THSD7A: variants seen among roughly 807,000 people sequenced by gnomAD.
THSD7A encodes thrombospondin type-1 domain-containing protein 7A.
In THSD7A, 96 loss-of-function variants were observed where a neutral mutation model predicts 231.3. That is an observed-to-expected ratio of 0.41 (90% CI 0.35 to 0.49). The LOEUF (loss-of-function observed/expected upper bound fraction) is 0.49, where lower values mean the gene tolerates loss of function less well. Ranked by LOEUF, THSD7A falls within the 20% of genes least tolerant of loss-of-function variation. The pLI is 0.05. For missense variants in THSD7A, 2,290 were observed against 2,070.2 expected, an observed-to-expected ratio of 1.11 and a Z score of -2.06; for synonymous variants, 940 against 743.3, an observed-to-expected ratio of 1.26 and a Z score of -4.30.
chr7:11,582,075 G>A (rs1344313588), intron 4 of THSD7A, among the ~76,000 whole-genome samples: 1 of 151,810 alleles, frequency 6.6e-6, no homozygotes, highest in African/African-American at 2.4e-5. Context: ...ACATTTTAAA[G>A]CTCCAATTCT....
chr7:11,683,284 A>T (rs973555665), intron 1 of THSD7A, among the ~76,000 whole-genome samples: 1 of 151,998 alleles, frequency 6.6e-6, no homozygotes, highest in African/African-American at 2.4e-5. Flanking sequence ...AAACATAATT[A>T]ATCACAAATT....
rs1326537341 is a variant in THSD7A at position 11,748,256 on chromosome 7, T to C, written c.190+83501A>G. ...GATGGAGTTACTGACATGATTAAAT[T>C]TGAATAGTAACAAACAGGTTTCTCT... On this transcript the variant is annotated intron_variant, in intron 1 of 27. Coordinates refer to ENST00000423059, the MANE Select transcript of THSD7A (RefSeq NM_015204.3). Among the ~76,000 whole-genome samples, 4 of 151,840 alleles carry C rather than the reference T, an allele frequency of 2.6e-5. No individual in the cohort carries two copies. In the East Asian group the frequency reaches 5.8e-4, roughly 22 times the overall value.
chr7:11,816,998 C>T (rs1409404902), intron 1 of THSD7A, among the ~76,000 whole-genome samples: 2 of 152,028 alleles, frequency 1.3e-5, no homozygotes, highest in African/African-American at 4.8e-5. Context: ...TTTACAAGTG[C>T]TACACAAATT....
chr7:11,378,886 A>C (rs1438311184), intron 26 of THSD7A, 184 bp downstream of exon 26: 3 of 614,040 alleles, frequency 4.9e-6, no homozygotes, highest in East Asian at 2.8e-5. Context: ...TCTGAACTTC[A>C]AACATGAGTT....
intron 13 of THSD7A, among the ~76,000 whole-genome samples, chr7:11,431,966 T>C (rs1480240769): frequency 1.3e-5 from 2 of 152,172 alleles, no homozygotes; most frequent in African/African-American, 4.8e-5. Flanking sequence ...CATTAATTTC[T>C]TTAATTAAAG....
At chr7:11,701,904 T>C (rs1157640146) in intron 1 of THSD7A, among the ~76,000 whole-genome samples, 1 of 151,188 alleles carries the variant, frequency 6.6e-6, no homozygotes, top group Non-Finnish European at 1.5e-5. Flanking sequence ...TCCTCCCCTC[T>C]TTCCTAGGAC....
intron 1 of THSD7A, among the ~76,000 whole-genome samples, chr7:11,812,489 A>G (rs1406350295): frequency 6.6e-6 from 1 of 152,178 alleles, no homozygotes; most frequent in Admixed American, 6.5e-5. Flanking sequence ...TTACGTCACA[A>G]AAGTGAAGGA....
chr7:11,644,457 G>T (rs538025108), intron 1 of THSD7A, among the ~76,000 whole-genome samples: 3 of 151,910 alleles, frequency 2.0e-5, no homozygotes, highest in African/African-American at 7.2e-5. Flanking sequence ...AAAATAAGAG[G>T]AGAGTTGGTA....
intron 6 of THSD7A, among the ~76,000 whole-genome samples, chr7:11,517,009 C>T (rs528824376): frequency 4.0e-4 from 61 of 151,216 alleles, no homozygotes; most frequent in Admixed American, 3.0e-3. Flanking sequence ...ATATGTAATA[C>T]GCATTGCCAT....
chr7:11,424,410 A>G (rs1453534655), intron 16 of THSD7A, among the ~76,000 whole-genome samples: 1 of 152,194 alleles, frequency 6.6e-6, no homozygotes, highest in African/African-American at 2.4e-5. Context: ...TTGAAGCAAA[A>G]AAGTTATTGG....
At chr7:11,703,822 T>C (rs1780679588) in intron 1 of THSD7A, among the ~76,000 whole-genome samples, 1 of 151,194 alleles carries the variant, frequency 6.6e-6, no homozygotes, top group Non-Finnish European at 1.5e-5. Context: ...ATATAGCTTA[T>C]CATTTTTGAA....
chr7:11,748,831 A>G (rs914101982), intron 1 of THSD7A, among the ~76,000 whole-genome samples: 13 of 152,040 alleles, frequency 8.6e-5, no homozygotes, highest in African/African-American at 3.1e-4. Flanking sequence ...TATTTTAAAA[A>G]GTCTCTTTGG....
At chr7:11,667,600 G>C (rs2128376355) in intron 1 of THSD7A, among the ~76,000 whole-genome samples, 1 of 152,226 alleles carries the variant, frequency 6.6e-6, no homozygotes, top group East Asian at 1.9e-4. Flanking sequence ...AGTGCTTATA[G>C]ACTATGACCA....
rs1210053376 is a variant in THSD7A at position 11,831,970 on chromosome 7, C to T, written c.-24G>A. The T allele has an allele frequency of 7.8e-5, 95 of 1,223,758 alleles. No individual in the cohort carries two copies. The highest frequency in any genetic ancestry group is 8.6e-5 in the Non-Finnish European group (85 of 983,466). 75.8% of individuals were successfully genotyped at this position (1,223,758 alleles called of 1,614,324 possible). The stretch of plus-strand genomic sequence containing the variant: ...ATGCCGCCTGCAGCCACTCCAGGGT[C>T]CAGAGCCGTAGCACGCTCGGCAGGG... On this transcript the variant is annotated 5_prime_UTR_variant, in exon 1 of 28. Transcript: ENST00000423059. The surrounding 1 kb of genome is among the most constrained non-coding windows in gnomAD (Gnocchi z 5.0).
At chr7:11,618,408 A>G (rs1478405011) in intron 2 of THSD7A, among the ~76,000 whole-genome samples, 1 of 152,220 alleles carries the variant, frequency 6.6e-6, no homozygotes. Context: ...TGTATGTGTA[A>G]AATCAGTATG....
chr7:11,636,772 C>A lies in THSD7A; in HGVS notation c.380G>T (p.Gly127Val). The change falls in exon 2 of 28, where the codon GGA (glycine) becomes GTA (valine). Residue 127 changes from glycine (G) to valine (V), a missense_variant. Physicochemically the swap from Gly to Val is moderately radical, Grantham distance 109. Transcript: ENST00000423059. The surrounding 1 kb of genome is among the most constrained non-coding windows in gnomAD (Gnocchi z 10.0). Reference sequence around the variant, plus strand: ...CACGGGCTGACACTGATTCCAAGGTCCCAGTCTCCAGTCGTACAACTCTTT... The same window carrying A: ...CACGGGCTGACACTGATTCCAAGGTACCAGTCTCCAGTCGTACAACTCTTT... ...WHKELYDWRL[G>V]PWNQCQPVIS... The A allele has an allele frequency of 6.2e-7, 1 of 1,613,978 alleles. No individual in the cohort carries two copies. Among genetic ancestry groups the A allele is most frequent in the East Asian group, 2.2e-5 (1 of 44,874 alleles).
intron 4 of THSD7A, among the ~76,000 whole-genome samples, chr7:11,546,614 A>C (rs987375995): frequency 3.9e-5 from 6 of 152,194 alleles, no homozygotes; most frequent in Non-Finnish European, 8.8e-5. Flanking sequence ...GCCCATACAG[A>C]TGAGAGAAAA....
rs548946327 is a variant in THSD7A, at chr7:11,388,900, A to T, written c.4412-6284T>A. Among the ~76,000 whole-genome samples the T allele has an allele frequency of 2.0e-5, 3 of 152,258 alleles. No homozygotes were observed. In the South Asian group the frequency reaches 6.2e-4, roughly 32 times the overall value. ...TTCAGGAGCAGGTTGTTCAGTTTCC[A>T]TGTAGTTGTGCAGTTTTGAGTGAGT... On this transcript the variant is annotated intron_variant, in intron 23 of 27. Transcript: ENST00000423059.
chr7:11,515,759 T>C (rs993593562), intron 6 of THSD7A, among the ~76,000 whole-genome samples: 1 of 152,164 alleles, frequency 6.6e-6, no homozygotes, highest in African/African-American at 2.4e-5. Context: ...ATTTTAGTAG[T>C]CTTTTTAGTA....
Sources: allele counts gnomAD v4.1 joint callset (sites outside exome capture counted in the v4.1 genomes callset), GRCh38; gene constraint gnomAD v4.1.1; non-coding constraint Gnocchi (gnomAD v3.1); transcripts MANE v1.5; gene names NCBI Gene and HGNC (gene_info 2026-07-23, HGNC 2026-07-21).